XKR4: variants seen among roughly 807,000 people sequenced by gnomAD.
XKR4 encodes the protein XK related 4.
Under a neutral mutation model 53.9 loss-of-function variants are expected in XKR4, and 12 were observed. The observed-to-expected ratio is 0.22, with a 90% confidence interval of 0.14 to 0.36. The LOEUF is 0.36. XKR4 is among the 10% of genes least tolerant of loss of function. XKR4 has a pLI of 1.00. For synonymous variants in XKR4, 354 were observed against 362.4 expected (o/e 0.98, Z 0.26); for missense variants, 799 against 859.5 (o/e 0.93, Z 0.88).
intron 2 of XKR4, among the ~76,000 whole-genome samples, chr8:55,508,870 G>C (rs1033334722): frequency 6.6e-6 from 1 of 152,234 alleles, no homozygotes; most frequent in Non-Finnish European, 1.5e-5. Context: ...CCTGGGACAG[G>C]GGATTCGTGT....
At chr8:55,392,547 T>C (rs1389183964) in intron 2 of XKR4, among the ~76,000 whole-genome samples, 1 of 152,150 alleles carries the variant, frequency 6.6e-6, no homozygotes, top group African/African-American at 2.4e-5. Flanking sequence ...TCCCAGCACT[T>C]TGGGAGGCTG....
chr8:55,425,741 T>G (rs141784887), intron 2 of XKR4, among the ~76,000 whole-genome samples: 7 of 152,308 alleles, frequency 4.6e-5, no homozygotes, highest in Admixed American at 3.3e-4. Context: ...AAGCTCATTA[T>G]CTCTTCTCCA....
chr8:55,138,599 G>A (rs1391830003), intron 1 of XKR4, among the ~76,000 whole-genome samples: 1 of 152,178 alleles, frequency 6.6e-6, no homozygotes, highest in South Asian at 2.1e-4. Flanking sequence ...CACCAAGCAA[G>A]GGATGTGCTT....
intron 1 of XKR4, among the ~76,000 whole-genome samples, chr8:55,342,535 C>T (rs1254783805): frequency 6.6e-6 from 1 of 152,124 alleles, no homozygotes; most frequent in Non-Finnish European, 1.5e-5. Context: ...GACCGTCCCA[C>T]TGCCTCTCTG....
intron 1 of XKR4, among the ~76,000 whole-genome samples, chr8:55,188,884 TAC>T (rs1817410736): frequency 6.6e-6 from 1 of 152,230 alleles, no homozygotes; most frequent in Non-Finnish European, 1.5e-5. Context: ...AAGTCCTTAA[TAC>T]AGAATCTATC....
intron 2 of XKR4, among the ~76,000 whole-genome samples, chr8:55,372,392 A>C (rs1804080877): frequency 6.6e-6 from 1 of 152,236 alleles, no homozygotes. Context: ...GCTTTGACTG[A>C]ATATCAACAC....
intron 2 of XKR4, among the ~76,000 whole-genome samples, chr8:55,505,300 C>A (rs1185343472): frequency 6.6e-6 from 1 of 151,870 alleles, no homozygotes; most frequent in African/African-American, 2.4e-5. Flanking sequence ...TTATAATTTC[C>A]CTTGTGATTT....
At chr8:55,477,451 G>A (rs1053961070) in intron 2 of XKR4, among the ~76,000 whole-genome samples, 3 of 152,016 alleles carry the variant, frequency 2.0e-5, no homozygotes, top group Non-Finnish European at 4.4e-5. Flanking sequence ...CCACAAAGAT[G>A]GGGAAAAAAC....
chr8:55,467,845 C>T (rs537862741), intron 2 of XKR4, among the ~76,000 whole-genome samples: 9 of 152,168 alleles, frequency 5.9e-5, no homozygotes, highest in African/African-American at 1.7e-4. Context: ...GGGTAATTAT[C>T]TGTTACTTGT....
chr8:55,123,224 A>G (rs1355349229), intron 1 of XKR4, among the ~76,000 whole-genome samples: 2 of 152,238 alleles, frequency 1.3e-5, no homozygotes, highest in African/African-American at 2.4e-5. Context: ...CATTTAATAC[A>G]TATTTATTGA....
chr8:55,346,766 C>T (rs2129382986), intron 1 of XKR4, among the ~76,000 whole-genome samples: 1 of 149,864 alleles, frequency 6.7e-6, no homozygotes, highest in Non-Finnish European at 1.5e-5. Context: ...GAAAATATCA[C>T]TTGCTGGAAT....
chr8:55,282,869 C>T (rs766354100), intron 1 of XKR4, among the ~76,000 whole-genome samples: 1 of 152,180 alleles, frequency 6.6e-6, no homozygotes, highest in Non-Finnish European at 1.5e-5. Context: ...CCTTCAAGTT[C>T]CATTCATTGT....
rs6150588 is a variant in XKR4 at position 55,449,155 on chromosome 8, GATTTATTT to G, written c.1007-74105_1007-74098del. On this transcript the variant is annotated intron_variant, in intron 2 of 2. Coordinates refer to ENST00000327381, the MANE Select transcript of XKR4 (RefSeq NM_052898.2). ...ATAACAAATTGAGATATTTATTCTAGATTTATTTATTTATTTATTTATTTATTTTATTT... is the reference window on the plus strand; with the variant it reads ...ATAACAAATTGAGATATTTATTCTAGATTTATTTATTTATTTATTTTATTT... Among the ~76,000 whole-genome samples, 22 of 150,052 alleles carry G rather than the reference GATTTATTT, an allele frequency of 1.5e-4. 1 individual carries two copies. Among genetic ancestry groups the G allele is most frequent in the African/African-American group, 3.9e-4 (16 of 41,054 alleles).
chr8:55,410,663 C>T (rs1377888913), intron 2 of XKR4, among the ~76,000 whole-genome samples: 2 of 151,876 alleles, frequency 1.3e-5, no homozygotes, highest in African/African-American at 4.8e-5. Flanking sequence ...GCCTGCCTCT[C>T]CCCCGGGACC....
At chr8:55,408,751 G>A (rs183659141) in intron 2 of XKR4, among the ~76,000 whole-genome samples, 1 of 152,142 alleles carries the variant, frequency 6.6e-6, no homozygotes, top group African/African-American at 2.4e-5. Context: ...GTTCGCGCCT[G>A]TAATCCCAGG....
chr8:55,470,032 G>A (rs1805849316), intron 2 of XKR4, among the ~76,000 whole-genome samples: 2 of 152,124 alleles, frequency 1.3e-5, no homozygotes, highest in African/African-American at 4.8e-5. Context: ...ATGGTGCATT[G>A]TAGACACAAA....
At chr8:55,296,545 G>A (rs2129376173) in intron 1 of XKR4, among the ~76,000 whole-genome samples, 1 of 151,870 alleles carries the variant, frequency 6.6e-6, no homozygotes, top group Non-Finnish European at 1.5e-5. Context: ...TTTTTCTTAT[G>A]GAGAAAACAA....
intron 2 of XKR4, among the ~76,000 whole-genome samples, chr8:55,428,502 C>A (rs751280528): frequency 7.9e-5 from 12 of 152,220 alleles, no homozygotes; most frequent in Non-Finnish European, 1.8e-4. Context: ...CAAGGCTAAG[C>A]AAGGAGCTGA....
intron 1 of XKR4, among the ~76,000 whole-genome samples, chr8:55,213,270 G>A (rs935966760): frequency 6.6e-6 from 1 of 152,262 alleles, no homozygotes; most frequent in Non-Finnish European, 1.5e-5. Context: ...TGGTGGGTAG[G>A]GGTCAGAGGG....
Sources: gnomAD v4.1 joint callset for allele counts (sites outside exome capture counted in the v4.1 genomes callset) on GRCh38, gnomAD v4.1.1 for gene constraint, MANE v1.5 for transcripts, NCBI Gene and HGNC (gene_info 2026-07-23, HGNC 2026-07-21) for gene names.